MYH11: variants seen among roughly 807,000 people sequenced by gnomAD.
The protein encoded by MYH11 is myosin heavy chain 11.
In MYH11, 80 loss-of-function variants were observed where a neutral mutation model predicts 246.6. The ratio of observed to expected loss-of-function variants is 0.32; its 90% CI spans 0.27 to 0.39. The LOEUF is 0.39. Ranked by LOEUF, MYH11 falls within the 10% of genes least tolerant of loss-of-function variation. MYH11 has a pLI of 1.00. For synonymous variants in MYH11, 1,071 were observed against 1,015.5 expected (o/e 1.05, Z -1.04); for missense variants, 2,158 against 2,546.8 (o/e 0.85, Z 3.29).
At chr16:15,785,447 A>G (rs891599390) in intron 5 of MYH11, 1 of 151,988 alleles carries the variant, frequency 6.6e-6, no homozygotes, top group Non-Finnish European at 1.5e-5. Context: ...AACTTGCCAG[A>G]GACAATTCTA....
At chr16:15,766,017 G>GA (rs1246891197) in intron 9 of MYH11, among the ~76,000 whole-genome samples, 2 of 152,072 alleles carry the variant, frequency 1.3e-5, no homozygotes, top group African/African-American at 4.8e-5. Context: ...TGGGTATCAT[G>GA]GGAAGTTTAG....
At position 15,719,860 on chromosome 16, in the gene MYH11, A is replaced by T. The variant is rs192071700; in HGVS notation, c.4954-147T>A. The T allele has an allele frequency of 1.3e-5, 16 of 1,260,702 alleles. No individual in the cohort carries two copies. The East Asian group carries it at 3.8e-4, about 30-fold the overall frequency. The allele number at this position is 1,260,702 out of a possible 1,614,324, so 78.1% of individuals were successfully genotyped here. ...TTGCACGAGCATGGCTCTCAGTTCC[A>T]GGTGGCTGGTGGTGCGCTGGGAGCA... On this transcript the variant is annotated intron_variant, in intron 34 of 40. Coordinates refer to ENST00000300036, the MANE Select transcript of MYH11 (RefSeq NM_002474.3).
At position 15,778,648 on chromosome 16, in the gene MYH11, G is replaced by C. The variant is rs11863258; in HGVS notation, c.790+132C>G. 4.0e-3 allele frequency: 3,696 copies of C among 927,644 alleles called. 95 individuals are homozygous for C. In the African/African-American group the frequency reaches 0.054, roughly 14 times the overall value. 57.5% of individuals were successfully genotyped at this position (927,644 alleles called of 1,614,324 possible). A position where few individuals can be genotyped will look rare whatever the true frequency, so the allele number is the denominator to read the frequency against. ...ACTGCACCACAATGCCTGCTGTTAA[G>C]GGGAGATTTGTTCTGGAAGAAACCT... On this transcript the variant is annotated intron_variant, in intron 7 of 40. Transcript: ENST00000300036.
At chr16:15,765,114 G>A (rs1386480534) in intron 9 of MYH11, among the ~76,000 whole-genome samples, 1 of 152,246 alleles carries the variant, frequency 6.6e-6, no homozygotes, top group African/African-American at 2.4e-5. Context: ...ATGGGAGGGA[G>A]GGAGAGAGAT....
chr16:15,758,623 G>C (rs1185519875), intron 12 of MYH11, among the ~76,000 whole-genome samples: 1 of 151,000 alleles, frequency 6.6e-6, no homozygotes, highest in African/African-American at 2.4e-5. Flanking sequence ...GGCCAACAGG[G>C]TGAAACTCTG....
chr16:15,755,561 G>A (rs1292287666), intron 14 of MYH11, among the ~76,000 whole-genome samples: 1 of 152,192 alleles, frequency 6.6e-6, no homozygotes, highest in Non-Finnish European at 1.5e-5. Context: ...AGCCGAGGCA[G>A]GGAGATCTCT....
chr16:15,739,971 G>T, intron 23 of MYH11, 80 bp downstream of exon 23: 4 of 1,477,102 alleles, frequency 2.7e-6, no homozygotes, highest in Non-Finnish European at 3.8e-6. Flanking sequence ...CAAACTCCTG[G>T]CCTCAAGTGA....
rs57020539 is a variant in MYH11, at chr16:15,720,738, A to G, written c.4791+101T>C. The G allele has an allele frequency of 3.0e-3, 3,993 of 1,337,040 alleles. 94 individuals are homozygous for G. The African/African-American group carries it at 0.047, about 16-fold the overall frequency. 82.8% of individuals were successfully genotyped at this position (1,337,040 alleles called of 1,614,324 possible). On this transcript the variant is annotated intron_variant, in intron 33 of 40. Transcript: ENST00000300036. Reference sequence around the variant, plus strand: ...ACAGAGCGAGACTCTGTTTCAAAAAAAAATAAAGAAAACGAAGTTTCCACA... The same window carrying G: ...ACAGAGCGAGACTCTGTTTCAAAAAGAAATAAAGAAAACGAAGTTTCCACA...
rs539820374 is a variant in MYH11, at chr16:15,829,773, C to T, written c.346-6362G>A. 8.5e-5 allele frequency among the ~76,000 whole-genome samples: 13 copies of T among 152,204 alleles called. No homozygotes were observed. In the South Asian group the frequency reaches 1.9e-3, roughly 22 times the overall value. On this transcript the variant is annotated intron_variant, in intron 2 of 40. Transcript: ENST00000300036. ...CAGAGCCCTGAGCAGGGGGTGCTCC[C>T]GGGGCCTGCAGCAGAAATGAGGAAC...
intron 14 of MYH11, among the ~76,000 whole-genome samples, chr16:15,753,912 A>AT (rs1468425053): frequency 6.6e-6 from 1 of 152,088 alleles, no homozygotes; most frequent in South Asian, 2.1e-4. Context: ...TGGTTTAGAA[A>AT]TTAAGCATGG....
In MYH11 at chr16:15,823,355, G is replaced by A; in HGVS notation, c.402C>T (p.Tyr134=). The change falls in exon 3 of 41, where the codon TAC becomes TAT. Residue 134 remains tyrosine (Y), a synonymous_variant. Coordinates refer to ENST00000300036, the MANE Select transcript of MYH11 (RefSeq NM_002474.3). ...VVNPYKHLPI[Y]SEKIVDMYKG... ...TGTACATGTCGACGATCTTCTCCGA[G>A]TAGATGGGCAGGTGTTTATAGGGGT... is the stretch of plus-strand genomic sequence containing the variant. 6.2e-7 allele frequency: 1 copy of A among 1,614,212 alleles called. No homozygotes were observed. The highest frequency in any genetic ancestry group is 2.2e-5 in the East Asian group (1 of 44,874).
chr16:15,726,988 G>C lies in MYH11; in HGVS notation c.3718C>G (p.Leu1240Val). 1.2e-6 allele frequency: 2 copies of C among 1,612,004 alleles called. No homozygotes were observed. The highest frequency in any genetic ancestry group is 1.7e-6 in the Non-Finnish European group (2 of 1,178,896). The change falls in exon 28 of 41, where the codon CTG (leucine) becomes GTG (valine). Residue 1240 changes from leucine (L) to valine (V), a missense_variant. Transcript: ENST00000300036. ...TGCTTGGCCTGGCCCAGGACCCGCA[G>C]CTCCCCGGCCAGGTCTGCGTTCTCT... Reference protein sequence around the residue: ...EKENADLAGELRVLGQAKQEV... With the variant: ...EKENADLAGEVRVLGQAKQEV...
At position 15,726,857 on chromosome 16, in the gene MYH11, G is replaced by C; in HGVS notation, c.3849C>G (p.His1283Gln). The C allele has an allele frequency of 6.2e-7, 1 of 1,611,952 alleles. No homozygotes were observed. The highest frequency in any genetic ancestry group is 8.5e-7 in the Non-Finnish European group (1 of 1,179,982). ...CGCGCCACCTCCTCACCTGCAGCTT[G>C]TGGACTTTGTCATTGAGCTCCGCCC... Reference protein sequence around the residue: ...RARAELNDKVHKLQNEVESVT... With the variant: ...RARAELNDKVQKLQNEVESVT... Residue 1283 changes from histidine to glutamine, a missense_variant, in exon 28 of 41, where the codon CAC (histidine) becomes CAG (glutamine). His to Gln is a conservative substitution (Grantham distance 24). Coordinates refer to ENST00000300036, the MANE Select transcript of MYH11 (RefSeq NM_002474.3).
At chr16:15,706,436 C>T (rs1036360443) in intron 40 of MYH11, among the ~76,000 whole-genome samples, 7 of 152,124 alleles carry the variant, frequency 4.6e-5, no homozygotes, top group African/African-American at 1.4e-4. Flanking sequence ...CCAGTTGCTG[C>T]GACTCATGCC....
chr16:15,848,217 A>G (rs2044245533), intron 1 of MYH11, among the ~76,000 whole-genome samples: 1 of 145,882 alleles, frequency 6.9e-6, no homozygotes, highest in Non-Finnish European at 1.5e-5. Flanking sequence ...TAGTAATAAT[A>G]GTTGCTAAGT....
At chr16:15,855,826 T>G (rs2044452499) in intron 1 of MYH11, among the ~76,000 whole-genome samples, 1 of 152,156 alleles carries the variant, frequency 6.6e-6, no homozygotes, top group Admixed American at 6.5e-5. Context: ...TGCAAAGCAG[T>G]TTATTAATAG....
At chr16:15,734,868 T>C (rs928235079) in intron 26 of MYH11, among the ~76,000 whole-genome samples, 1 of 152,100 alleles carries the variant, frequency 6.6e-6, no homozygotes, top group East Asian at 1.9e-4. Context: ...TGGTATATAC[T>C]ACTCTTCTGA....
At position 15,703,752 on chromosome 16, in the gene MYH11, C is replaced by G. The variant is rs1567667986; in HGVS notation, c.*239G>C. ...CACAGGTGTGTACCACCACGCCCAG[C>G]TTATTTTTAAATTCTTGTATAGATG... On this transcript the variant is annotated 3_prime_UTR_variant, in exon 41 of 41. Coordinates refer to ENST00000300036, the MANE Select transcript of MYH11 (RefSeq NM_002474.3). 4 of 551,882 alleles carry G rather than the reference C, an allele frequency of 7.2e-6. No individual in the cohort carries two copies. In the Admixed American group the frequency reaches 1.2e-4, roughly 16 times the overall value. 34.2% of individuals were successfully genotyped at this position (551,882 alleles called of 1,614,324 possible). A position where few individuals can be genotyped will look rare whatever the true frequency, so the allele number is the denominator to read the frequency against.
At chr16:15,731,572 A>G (rs146533907) in intron 27 of MYH11, among the ~76,000 whole-genome samples, 14 of 151,722 alleles carry the variant, frequency 9.2e-5, no homozygotes, top group Non-Finnish European at 2.1e-4. Flanking sequence ...GCTCACTGCA[A>G]CCTCTTCCTC....
Sources: gnomAD v4.1 joint callset for allele counts (sites outside exome capture counted in the v4.1 genomes callset) on GRCh38, gnomAD v4.1.1 for gene constraint, MANE v1.5 for transcripts, NCBI Gene and HGNC (gene_info 2026-07-23, HGNC 2026-07-21) for gene names.